Variants in IGF2BP2 observed in about 807,000 individuals in gnomAD.
The protein encoded by IGF2BP2 is insulin like growth factor 2 mRNA binding protein 2, also known as insulin-like growth factor 2 mRNA-binding protein 2.
In IGF2BP2, 17 loss-of-function variants were observed where a neutral mutation model predicts 75.8. That is an observed-to-expected ratio of 0.22 (90% CI 0.15 to 0.34). The LOEUF (loss-of-function observed/expected upper bound fraction) is 0.34. Among genes scored for constraint, IGF2BP2 ranks in the 10% least tolerant of loss-of-function variants. The pLI is 1.00. For missense variants in IGF2BP2, 516 were observed against 772.4 expected (o/e 0.67, Z 3.93); for synonymous variants, 288 against 295.6 (o/e 0.97, Z 0.26).
At chr3:185,817,217 T>A (rs1740728321) in intron 2 of IGF2BP2, among the ~76,000 whole-genome samples, 1 of 152,190 alleles carries the variant, frequency 6.6e-6, no homozygotes, top group African/African-American at 2.4e-5. Context: ...TAATGAGGAA[T>A]AAACAAAATG....
rs760629389 is a variant in IGF2BP2, at chr3:185,679,348, AACTTC to A, written c.813-3440_813-3436del. Among the ~76,000 whole-genome samples, 55 of 152,162 alleles carry A rather than the reference AACTTC, an allele frequency of 3.6e-4. No homozygotes were observed. In the Middle Eastern group the frequency reaches 0.014, roughly 38 times the overall value. ...TAGCATCCTATTTTGAACTGATAAC[AACTTC>A]ACTTCAATTGCATAAAAAACTCTAC... On this transcript the variant is annotated intron_variant, in intron 7 of 15. Coordinates refer to ENST00000382199, the MANE Select transcript of IGF2BP2 (RefSeq NM_006548.6).
chr3:185,715,764 C>A (rs1725515103), intron 2 of IGF2BP2, among the ~76,000 whole-genome samples: 1 of 152,174 alleles, frequency 6.6e-6, no homozygotes, highest in African/African-American at 2.4e-5. Flanking sequence ...CTGCCTTAAC[C>A]TCCCAAGTAG....
chr3:185,664,464 GC>G (rs1716969193), intron 10 of IGF2BP2, among the ~76,000 whole-genome samples: 1 of 152,204 alleles, frequency 6.6e-6, no homozygotes, highest in South Asian at 2.1e-4. Context: ...AAGGAGAGAA[GC>G]CCAGCTGCAC....
At chr3:185,685,651 ACTTTTT>A (rs1721017420) in intron 7 of IGF2BP2, among the ~76,000 whole-genome samples, 2 of 152,280 alleles carry the variant, frequency 1.3e-5, no homozygotes, top group Middle Eastern at 6.8e-3. Context: ...CTGAAAATCT[ACTTTTT>A]CTTTTTTTAG....
intron 8 of IGF2BP2, 30 bp downstream of exon 8, chr3:185,675,761 G>A: frequency 6.2e-7 from 1 of 1,608,204 alleles, no homozygotes; most frequent in South Asian, 1.1e-5. Context: ...TTCCATTATT[G>A]GGCATGAGTA....
At chr3:185,735,982 GCT>G (rs1229863766) in intron 2 of IGF2BP2, among the ~76,000 whole-genome samples, 2 of 152,312 alleles carry the variant, frequency 1.3e-5, no homozygotes, top group African/African-American at 4.8e-5. Context: ...TCCTAGCTCA[GCT>G]CTGATTTCAC....
In IGF2BP2 at chr3:185,784,750, G is replaced by A. The variant is rs185999710; in HGVS notation, c.239+38403C>T. Among the ~76,000 whole-genome samples, 34 of 152,314 alleles carry A rather than the reference G, an allele frequency of 2.2e-4. No homozygotes were observed. In the East Asian group the frequency reaches 5.6e-3, roughly 25 times the overall value. ...AGCTGGGCCAAAGAAAAATTGTAAG[G>A]AGAACTCAAGGGTACAATGGGCATT... On this transcript the variant is annotated intron_variant, in intron 2 of 15. Transcript: ENST00000382199.
rs1560237703 is a variant in IGF2BP2, at chr3:185,658,445, TCTCAGGGACTGTCACTGGC to T, written c.1201-55_1201-37del. 5.1e-6 allele frequency: 8 copies of T among 1,579,542 alleles called. No homozygotes were observed. The Admixed American group carries it at 1.3e-4, about 27-fold the overall frequency. ...AGAGAAAGAGTCAGTGGGCGGGTGC[TCTCAGGGACTGTCACTGGC>T]CTCAGGGAGGCCAGATTCCCAACAT... is the stretch of plus-strand genomic sequence containing the variant. On this transcript the variant is annotated intron_variant, in intron 10 of 15. Coordinates refer to ENST00000382199, the MANE Select transcript of IGF2BP2 (RefSeq NM_006548.6).
intron 6 of IGF2BP2, among the ~76,000 whole-genome samples, chr3:185,688,188 G>GA (rs768135947): frequency 5.3e-5 from 8 of 152,134 alleles, no homozygotes; most frequent in Non-Finnish European, 8.8e-5. Context: ...CCCACTGAAT[G>GA]ACCTGAATAA....
At chr3:185,735,270 C>A (rs1443981599) in intron 2 of IGF2BP2, among the ~76,000 whole-genome samples, 1 of 151,982 alleles carries the variant, frequency 6.6e-6, no homozygotes, top group South Asian at 2.1e-4. Flanking sequence ...CTCAGCCTCC[C>A]GAGTAGCTGG....
intron 2 of IGF2BP2, among the ~76,000 whole-genome samples, chr3:185,720,049 T>C (rs561829633): frequency 6.6e-6 from 1 of 152,194 alleles, no homozygotes; most frequent in African/African-American, 2.4e-5. Context: ...CCCCGGAAAG[T>C]GGGAAAATAT....
chr3:185,730,772 A>G (rs1311742284), intron 2 of IGF2BP2, among the ~76,000 whole-genome samples: 1 of 151,990 alleles, frequency 6.6e-6, no homozygotes, highest in Non-Finnish European at 1.5e-5. Flanking sequence ...TGGTAGTTCT[A>G]TTTTTAGTTC....
chr3:185,665,551 G>GAGA (rs879540063), intron 10 of IGF2BP2, among the ~76,000 whole-genome samples: 3 of 143,486 alleles, frequency 2.1e-5, no homozygotes, highest in East Asian at 4.1e-4. Flanking sequence ...GGAGGAGAAG[G>GAGA]AGGAGGAGAA....
At chr3:185,737,893 C>T (rs10804901) in intron 2 of IGF2BP2, among the ~76,000 whole-genome samples, 148,944 of 152,270 alleles carry the variant, frequency 0.98, 72,853 homozygotes, top group East Asian at 1. Context: ...TTGTGGTGAT[C>T]TCTTATTATT....
At chr3:185,778,271 A>C (rs993222327) in intron 2 of IGF2BP2, among the ~76,000 whole-genome samples, 5 of 152,066 alleles carry the variant, frequency 3.3e-5, no homozygotes, top group African/African-American at 7.2e-5. Context: ...ACACACCCCC[A>C]CACTCACTCA....
intron 2 of IGF2BP2, among the ~76,000 whole-genome samples, chr3:185,815,831 G>C (rs1318381477): frequency 6.6e-6 from 1 of 152,140 alleles, no homozygotes; most frequent in Non-Finnish European, 1.5e-5. Context: ...AAAGTTTACA[G>C]TTGAGGGGAA....
chr3:185,776,046 C>T (rs570591646), intron 2 of IGF2BP2, among the ~76,000 whole-genome samples: 2 of 152,216 alleles, frequency 1.3e-5, no homozygotes, highest in African/African-American at 2.4e-5. Flanking sequence ...GAGTTTGAGA[C>T]GAACCTGGAC....
chr3:185,684,090 G>A (rs138980364), intron 7 of IGF2BP2, among the ~76,000 whole-genome samples: 8 of 152,328 alleles, frequency 5.3e-5, no homozygotes, highest in Middle Eastern at 3.4e-3. Flanking sequence ...TGAAGAAGCT[G>A]CATTAGAATG....
At position 185,644,092 on chromosome 3, in the gene IGF2BP2, G is replaced by C. The variant is rs1459783117; in HGVS notation, c.*1439C>G. ...CACACTTGGACTGTCACCTTCTCCA[G>C]GCTGGCAGTTGATATCTTATTTTTT... On this transcript the variant is annotated 3_prime_UTR_variant, in exon 16 of 16. Transcript: ENST00000382199. 6.6e-6 allele frequency: 1 copy of C among 151,830 alleles called. No homozygotes were observed. Among genetic ancestry groups the C allele is most frequent in the African/African-American group, 2.4e-5 (1 of 41,216 alleles). 9.4% of individuals were successfully genotyped at this position (151,830 alleles called of 1,614,324 possible).
Sources: allele counts gnomAD v4.1 joint callset (sites outside exome capture counted in the v4.1 genomes callset), GRCh38; gene constraint gnomAD v4.1.1; transcripts MANE v1.5; gene names NCBI Gene and HGNC (gene_info 2026-07-23, HGNC 2026-07-21).